Variants in MLH3 observed in about 807,000 individuals in gnomAD.
MLH3 encodes the protein mutL homolog 3.
A neutral mutation model predicts 122.2 loss-of-function variants in MLH3; 82 were observed. The ratio of observed to expected loss-of-function variants is 0.67; its 90% CI spans 0.56 to 0.81. The LOEUF is 0.81. Among genes scored for constraint, MLH3 ranks in the 30% least tolerant of loss-of-function variants. The pLI, the probability that MLH3 is intolerant of heterozygous loss-of-function variation, is 0.00. For missense variants in MLH3, 1,539 were observed against 1,714.5 expected, an observed-to-expected ratio of 0.90 and a Z score of 1.81; for synonymous variants, 524 against 599.5, an observed-to-expected ratio of 0.87 and a Z score of 1.84.
rs770627810 is a variant in MLH3 at position 75,022,983 on chromosome 14, G to C, written c.4011+12C>G. On this transcript the variant is annotated intron_variant, in intron 10 of 12. Coordinates refer to ENST00000355774, the MANE Select transcript of MLH3 (RefSeq NM_001040108.2). ...CTTCTGTGTGAAACCCCAAAATAAA[G>C]GAAAAGCTTACCTCCAGTTGTTCTC... is the stretch of plus-strand genomic sequence containing the variant. 6.2e-7 allele frequency: 1 copy of C among 1,614,168 alleles called. No homozygotes were observed. Among genetic ancestry groups the C allele is most frequent in the East Asian group, 2.2e-5 (1 of 44,890 alleles).
intron 5 of MLH3, among the ~76,000 whole-genome samples, chr14:75,039,055 C>T (rs1891624334): frequency 6.6e-6 from 1 of 152,154 alleles, no homozygotes; most frequent in South Asian, 2.1e-4. Context: ...GACGGGGTTT[C>T]ACCGTGTTAG....
At chr14:75,032,293 G>A (rs1009119030) in intron 7 of MLH3, 114 bp from the exon 8 acceptor site, 1 of 738,184 alleles carries the variant, frequency 1.4e-6, no homozygotes, top group Non-Finnish European at 2.5e-6. Flanking sequence ...AATGTTTAAT[G>A]TTCAGTTTTA....
intron 4 of MLH3, among the ~76,000 whole-genome samples, chr14:75,040,305 C>T (rs1192052693): frequency 6.6e-6 from 1 of 151,612 alleles, no homozygotes; most frequent in Non-Finnish European, 1.5e-5. Flanking sequence ...AAAAAATTAG[C>T]TGGGCGTGGC....
chr14:75,027,696 C>T (rs1419598357), intron 9 of MLH3, among the ~76,000 whole-genome samples: 3 of 80,866 alleles, frequency 3.7e-5, no homozygotes, highest in Admixed American at 3.4e-4. Flanking sequence ...AAAAAAAAAC[C>T]CAAAAGAACA....
At chr14:75,017,881 C>T (rs1353792539) in intron 12 of MLH3, among the ~76,000 whole-genome samples, 1 of 152,234 alleles carries the variant, frequency 6.6e-6, no homozygotes, top group Non-Finnish European at 1.5e-5. Flanking sequence ...CGCAGTGGCT[C>T]ATGCCTATAA....
rs2139560791 is a variant in MLH3 at position 75,047,126 on chromosome 14, G to A, written c.2530C>T (p.Pro844Ser). ...KDEDCLEQQMPSLRESPMTLK... is the reference protein window; with the variant it reads ...KDEDCLEQQMSSLRESPMTLK... The stretch of plus-strand genomic sequence containing the variant: ...GTCATAGGACTTTCTCTCAAACTAG[G>A]CATCTGTTGTTCTAAACAATCTTCA... Residue 844 changes from proline (P) to serine (S), a missense_variant, in exon 2 of 13, where the codon CCT (proline) becomes TCT (serine). By Grantham distance (74) the Pro-to-Ser change is moderately conservative. Transcript: ENST00000355774. 1.2e-6 allele frequency: 2 copies of A among 1,614,130 alleles called. No individual in the cohort carries two copies. Among genetic ancestry groups the A allele is most frequent in the Non-Finnish European group, 1.7e-6 (2 of 1,179,990 alleles).
Position 75,015,512 on chromosome 14 carries a change from G to C in MLH3, c.*1570C>G, listed in dbSNP as rs1889839232. The C allele has an allele frequency of 5.5e-6, 1 of 183,306 alleles. No homozygotes were observed. Among genetic ancestry groups the C allele is most frequent in the Non-Finnish European group, 1.2e-5 (1 of 86,304 alleles). The allele number at this position is 183,306 out of a possible 1,614,324, so 11.4% of individuals were successfully genotyped here. A position where few individuals can be genotyped will look rare whatever the true frequency, so the allele number is the denominator to read the frequency against. On this transcript the variant is annotated 3_prime_UTR_variant, in exon 13 of 13. Coordinates refer to ENST00000355774, the MANE Select transcript of MLH3 (RefSeq NM_001040108.2). ...GGCCTCCATGCAGCCCTCAAGCAGG[G>C]AGGCGGAGGCCCTGAGGCCACACTG...
intron 6 of MLH3, among the ~76,000 whole-genome samples, chr14:75,034,620 TC>T (rs991700867): frequency 7.9e-5 from 12 of 152,148 alleles, no homozygotes; most frequent in Admixed American, 5.9e-4. Context: ...TCTTTTTTTT[TC>T]CCAACCATTA....
intron 9 of MLH3, 143 bp downstream of exon 9, chr14:75,030,400 T>C: frequency 1.2e-6 from 1 of 848,694 alleles, no homozygotes. Context: ...AGCTAACTCA[T>C]CTCTGAATTT....
intron 6 of MLH3, among the ~76,000 whole-genome samples, chr14:75,034,461 C>T (rs149055322): frequency 4.9e-4 from 75 of 152,242 alleles, no homozygotes; most frequent in African/African-American, 1.6e-3. Context: ...TTGGGCCACA[C>T]GATTTCTGTC....
At chr14:75,036,762 A>G in intron 6 of MLH3, 3 of 456,202 alleles carry the variant, frequency 6.6e-6, no homozygotes, top group Non-Finnish European at 8.8e-6. Context: ...CCAGAACACC[A>G]GAAGTCATCT....
At position 75,048,114 on chromosome 14, in the gene MLH3, T is replaced by G; in HGVS notation, c.1542A>C (p.Thr514=). Residue 514 remains threonine, a synonymous_variant, in exon 2 of 13, where the codon ACA becomes ACC. Transcript: ENST00000355774. The stretch of plus-strand genomic sequence containing the variant: ...GCCCACTCTCCTCAAAGTGACATGG[T>G]GTCTGAAAAGGGCTTAAAAACATTT... ...SLEMFLSPFQ[T]PCHFEESGQD... 6.2e-7 allele frequency: 1 copy of G among 1,614,206 alleles called. No homozygotes were observed. Among genetic ancestry groups the G allele is most frequent in the Non-Finnish European group, 8.5e-7 (1 of 1,180,030 alleles).
chr14:75,032,762 A>G (rs1724916110), intron 7 of MLH3, among the ~76,000 whole-genome samples: 1 of 151,168 alleles, frequency 6.6e-6, no homozygotes, highest in African/African-American at 2.4e-5. Flanking sequence ...CATTGGCCAC[A>G]GGAGTAAAGA....
Position 75,046,667 on chromosome 14 carries a change from T to C in MLH3, c.2989A>G (p.Ser997Gly). 1 of 1,614,244 alleles carries C rather than the reference T, an allele frequency of 6.2e-7. No homozygotes were observed. Among genetic ancestry groups the C allele is most frequent in the South Asian group, 1.1e-5 (1 of 91,086 alleles). The change falls in exon 2 of 13, where the codon AGT (serine) becomes GGT (glycine). Residue 997 changes from serine (S) to glycine (G), a missense_variant. Coordinates refer to ENST00000355774, the MANE Select transcript of MLH3 (RefSeq NM_001040108.2). ...AACATTCCACTGGGAGAGTCAAGACTTCCTATCTGTTGTTCTGAGGCTCTG... is the reference window on the plus strand; with the variant it reads ...AACATTCCACTGGGAGAGTCAAGACCTCCTATCTGTTGTTCTGAGGCTCTG... ...LIRASEQQIGSLDSPSGMLMN... is the reference protein window; with the variant it reads ...LIRASEQQIGGLDSPSGMLMN...
rs762754602 is a variant in MLH3 at position 75,049,676 on chromosome 14, G to A, written c.-21C>T. The A allele has an allele frequency of 6.8e-6, 11 of 1,609,968 alleles. No individual in the cohort carries two copies. The Admixed American group carries it at 1.9e-4, about 27-fold the overall frequency. On this transcript the variant is annotated 5_prime_UTR_variant, in exon 2 of 13. Transcript: ENST00000355774. ...ATCATGGTAGGTAGAAAGATGGTGA[G>A]AATGCCAGGCACTGGTTTCCTTCTC...
chr14:75,026,886 G>C (rs1008299531), intron 9 of MLH3, among the ~76,000 whole-genome samples: 2 of 152,054 alleles, frequency 1.3e-5, no homozygotes, highest in African/African-American at 4.8e-5. Flanking sequence ...ATCACCTGAG[G>C]TCAGGAGTTT....
At chr14:75,044,108 T>C (rs575941397) in intron 2 of MLH3, among the ~76,000 whole-genome samples, 3 of 152,276 alleles carry the variant, frequency 2.0e-5, no homozygotes, top group South Asian at 2.1e-4. Flanking sequence ...AAAATTGTCT[T>C]TTAACAATTT....
At position 75,046,668 on chromosome 14, in the gene MLH3, TC is replaced by T; in HGVS notation, c.2987del (p.Gly996GlufsTer10). 1 of 1,614,240 alleles carries T rather than the reference TC, an allele frequency of 6.2e-7. No individual in the cohort carries two copies. The highest frequency in any genetic ancestry group is 8.5e-7 in the Non-Finnish European group (1 of 1,180,036). On this transcript the variant is annotated frameshift_variant, in exon 2 of 13. Transcript: ENST00000355774. LOFTEE classifies it high-confidence loss of function. Reference sequence around the variant, plus strand: ...ACATTCCACTGGGAGAGTCAAGACTTCCTATCTGTTGTTCTGAGGCTCTGAT... The same window carrying T: ...ACATTCCACTGGGAGAGTCAAGACTTCTATCTGTTGTTCTGAGGCTCTGAT... ...VLIRASEQQI[G>X]SLDSPSGMLM...
chr14:75,026,519 G>A (rs1178828027), intron 9 of MLH3, among the ~76,000 whole-genome samples: 2 of 152,124 alleles, frequency 1.3e-5, no homozygotes, highest in Non-Finnish European at 2.9e-5. Context: ...AGTTGAAGAG[G>A]CATGCAGAGT....
Sources: gnomAD v4.1 joint callset for allele counts (sites outside exome capture counted in the v4.1 genomes callset) on GRCh38, gnomAD v4.1.1 for gene constraint, MANE v1.5 for transcripts, NCBI Gene and HGNC (gene_info 2026-07-23, HGNC 2026-07-21) for gene names.